DLG2: variants seen among roughly 807,000 people sequenced by gnomAD.
DLG2 encodes the protein discs large MAGUK scaffold protein 2.
DLG2 carries 45 observed loss-of-function variants against 132.5 expected under a neutral mutation model. That is an observed-to-expected ratio of 0.34 (90% CI 0.27 to 0.44). The LOEUF is 0.44. Ranked by LOEUF, DLG2 falls within the 20% of genes least tolerant of loss-of-function variation. The pLI is 1.00. For missense variants in DLG2, 1,045 were observed against 1,196.9 expected, an observed-to-expected ratio of 0.87 and a Z score of 1.87; for synonymous variants, 424 against 419.6, an observed-to-expected ratio of 1.01 and a Z score of -0.13.
chr11:85,606,967 C>T (rs1010134226), intron 2 of DLG2, among the ~76,000 whole-genome samples: 2 of 152,178 alleles, frequency 1.3e-5, no homozygotes, highest in Non-Finnish European at 2.9e-5. Context: ...ACACTCACCA[C>T]GAGGGTCCAC....
chr11:84,650,849 ATGTGTGTGTG>A lies in DLG2; in HGVS notation c.358-116128_358-116119del, dbSNP rs138640341. 4.4e-3 allele frequency among the ~76,000 whole-genome samples: 404 copies of A among 92,456 alleles called. 7 individuals carry two copies. The highest frequency in any genetic ancestry group is 0.011 in the African/African-American group (280 of 24,786). The allele number at this position is 92,456 out of a possible 152,430, so 60.7% of individuals were successfully genotyped here. On this transcript the variant is annotated intron_variant, in intron 6 of 27. Coordinates refer to ENST00000376104, the MANE Select transcript of DLG2 (RefSeq NM_001142699.3). ...GAAAAGTTATAATAAACTTTCCTGT[ATGTGTGTGTG>A]TGTGTGTGTGTGTGTATATATATAT...
intron 4 of DLG2, among the ~76,000 whole-genome samples, chr11:85,251,779 T>C (rs1490445847): frequency 6.6e-6 from 1 of 152,172 alleles, no homozygotes. Flanking sequence ...CCATAATTAG[T>C]TACAATATCA....
chr11:83,902,787 C>G (rs2073821556), intron 15 of DLG2, among the ~76,000 whole-genome samples: 1 of 151,956 alleles, frequency 6.6e-6, no homozygotes, highest in Non-Finnish European at 1.5e-5. Flanking sequence ...GTTTCCTGCC[C>G]CTGAGGATAA....
At chr11:83,539,627 A>T (rs948078779) in intron 20 of DLG2, among the ~76,000 whole-genome samples, 3 of 151,362 alleles carry the variant, frequency 2.0e-5, no homozygotes, top group African/African-American at 7.3e-5. Flanking sequence ...GCAGAAATGT[A>T]TTTACAGCTA....
At chr11:84,439,315 G>T (rs2099010447) in intron 7 of DLG2, among the ~76,000 whole-genome samples, 1 of 152,078 alleles carries the variant, frequency 6.6e-6, no homozygotes, top group Non-Finnish European at 1.5e-5. Context: ...GATCATTATT[G>T]TGGGTCTTCA....
intron 6 of DLG2, among the ~76,000 whole-genome samples, chr11:84,945,021 G>A (rs2050020675): frequency 1.3e-5 from 2 of 152,196 alleles, no homozygotes; most frequent in African/African-American, 4.8e-5. Flanking sequence ...CTCTGTCACT[G>A]TGGGATTACT....
intron 6 of DLG2, among the ~76,000 whole-genome samples, chr11:84,748,283 A>G (rs532571657): frequency 6.6e-5 from 10 of 152,320 alleles, no homozygotes; most frequent in Admixed American, 5.9e-4. Context: ...AGACCTTCTG[A>G]ATAACAGACA....
intron 6 of DLG2, among the ~76,000 whole-genome samples, chr11:84,745,109 G>A (rs748850524): frequency 1.3e-5 from 2 of 151,894 alleles, no homozygotes; most frequent in African/African-American, 2.4e-5. Context: ...ATGAAAAAGA[G>A]GGGCTCCTAG....
chr11:83,533,246 A>G (rs555596018), intron 20 of DLG2, among the ~76,000 whole-genome samples: 3 of 152,182 alleles, frequency 2.0e-5, no homozygotes, highest in African/African-American at 7.2e-5. Flanking sequence ...CAAACATGTT[A>G]TATATAATCT....
chr11:84,024,360 A>T (rs2095482881), intron 11 of DLG2, among the ~76,000 whole-genome samples: 1 of 152,194 alleles, frequency 6.6e-6, no homozygotes, highest in Non-Finnish European at 1.5e-5. Flanking sequence ...ATCACAGGCA[A>T]ATAAATAAAA....
At chr11:83,785,276 G>A (rs995650517) in intron 18 of DLG2, among the ~76,000 whole-genome samples, 2 of 151,986 alleles carry the variant, frequency 1.3e-5, no homozygotes, top group Admixed American at 1.3e-4. Context: ...GGATGGTCTC[G>A]ATCTCCTGAC....
intron 7 of DLG2, among the ~76,000 whole-genome samples, chr11:84,523,721 A>T (rs2099311541): frequency 6.6e-6 from 1 of 152,210 alleles, no homozygotes. Flanking sequence ...TCTAATTGTT[A>T]CAGAAAGTTT....
intron 17 of DLG2, among the ~76,000 whole-genome samples, chr11:83,822,091 G>A (rs2050984305): frequency 1.3e-5 from 2 of 152,116 alleles, no homozygotes; most frequent in African/African-American, 4.8e-5. Flanking sequence ...AAGCTGGGCA[G>A]ACCTAGAGTC....
intron 11 of DLG2, among the ~76,000 whole-genome samples, chr11:83,988,721 C>T (rs1337984350): frequency 7.2e-5 from 11 of 152,104 alleles, no homozygotes; most frequent in Non-Finnish European, 1.6e-4. Context: ...AGCTGTTCTG[C>T]TACATGGAAT....
chr11:83,893,072 T>A (rs2070443141), intron 15 of DLG2, among the ~76,000 whole-genome samples: 1 of 152,144 alleles, frequency 6.6e-6, no homozygotes, highest in Admixed American at 6.5e-5. Context: ...TCCATCATAC[T>A]CCATACCCAA....
chr11:84,457,178 A>C (rs1367078633), intron 7 of DLG2, among the ~76,000 whole-genome samples: 1 of 151,200 alleles, frequency 6.6e-6, no homozygotes, highest in African/African-American at 2.4e-5. Flanking sequence ...AACCTGAAAT[A>C]ATTCAAAGAC....
intron 6 of DLG2, among the ~76,000 whole-genome samples, chr11:85,005,110 T>C (rs577432479): frequency 6.6e-6 from 1 of 152,230 alleles, no homozygotes; most frequent in Non-Finnish European, 1.5e-5. Flanking sequence ...ACCAATAACA[T>C]GCTGTTTTGG....
At chr11:83,957,554 C>CG (rs1491202981) in intron 14 of DLG2, among the ~76,000 whole-genome samples, 1 of 142,712 alleles carries the variant, frequency 7.0e-6, no homozygotes, top group African/African-American at 2.5e-5. Flanking sequence ...GCAGCCAGAA[C>CG]TTTTTTTTTT....
At chr11:84,860,356 G>C (rs1368683281) in intron 6 of DLG2, among the ~76,000 whole-genome samples, 2 of 152,080 alleles carry the variant, frequency 1.3e-5, no homozygotes, top group African/African-American at 4.8e-5. Flanking sequence ...TACAATAGCA[G>C]AGAATGTTCA....
Sources: allele counts gnomAD v4.1 joint callset (sites outside exome capture counted in the v4.1 genomes callset), GRCh38; gene constraint gnomAD v4.1.1; transcripts MANE v1.5; gene names NCBI Gene and HGNC (gene_info 2026-07-23, HGNC 2026-07-21).